Variants in CNTNAP2 observed in about 807,000 individuals in gnomAD.
CNTNAP2 encodes the protein contactin-associated protein-like 2.
Under a neutral mutation model 155.2 loss-of-function variants are expected in CNTNAP2, and 98 were observed. That is an observed-to-expected ratio of 0.63 (90% CI 0.54 to 0.75). The LOEUF (loss-of-function observed/expected upper bound fraction) is 0.75, where lower values mean the gene tolerates loss of function less well. CNTNAP2 is among the 30% of genes least tolerant of loss of function. The pLI is 0.00. For synonymous variants in CNTNAP2, 651 were observed against 631.2 expected (o/e 1.03, Z -0.47); for missense variants, 1,727 against 1,688.1 (o/e 1.02, Z -0.40).
intron 21 of CNTNAP2, among the ~76,000 whole-genome samples, chr7:148,324,357 GTTTTTAATTGCAA>G (rs1203719034): frequency 6.6e-6 from 1 of 152,154 alleles, no homozygotes; most frequent in Non-Finnish European, 1.5e-5. Flanking sequence ...CTTGACCACT[GTTTTTAATTGCAA>G]ATCCCACTGC....
chr7:146,794,516 A>G (rs1464407000), intron 2 of CNTNAP2, among the ~76,000 whole-genome samples: 2 of 152,246 alleles, frequency 1.3e-5, no homozygotes, highest in Non-Finnish European at 2.9e-5. Context: ...CCTAAAGGAT[A>G]TCAGTTGTGA....
chr7:146,609,233 C>T (rs1218222023), intron 1 of CNTNAP2, among the ~76,000 whole-genome samples: 1 of 152,188 alleles, frequency 6.6e-6, no homozygotes, highest in African/African-American at 2.4e-5. Context: ...TTCTGATGAT[C>T]AGGTGGTATT....
chr7:147,994,526 T>C (rs1801768510), intron 15 of CNTNAP2, among the ~76,000 whole-genome samples: 1 of 152,192 alleles, frequency 6.6e-6, no homozygotes, highest in Non-Finnish European at 1.5e-5. Context: ...GATTGAATCA[T>C]GGGGACAGGT....
rs141579635 is a variant in CNTNAP2 at position 147,560,661 on chromosome 7, C to T, written c.1778-1477C>T. Among the ~76,000 whole-genome samples the T allele has an allele frequency of 2.8e-3, 424 of 151,954 alleles. 4 individuals are homozygous for T. In the East Asian group the frequency reaches 0.03, roughly 11 times the overall value. On this transcript the variant is annotated intron_variant, in intron 11 of 23. Transcript: ENST00000361727. ...AACACGGTTTCGAAGGTCTTCTATC[C>T]GTGTTGTTCACAGCTGTATCTGCAA...
At chr7:146,678,869 T>C (rs146890726) in intron 1 of CNTNAP2, among the ~76,000 whole-genome samples, 50 of 152,326 alleles carry the variant, frequency 3.3e-4, no homozygotes, top group Middle Eastern at 6.8e-3. Flanking sequence ...CTAATACTTA[T>C]AATAAATAAT....
At chr7:147,589,127 C>A (rs769714006) in intron 12 of CNTNAP2, among the ~76,000 whole-genome samples, 8 of 152,148 alleles carry the variant, frequency 5.3e-5, no homozygotes, top group Middle Eastern at 3.2e-3. Flanking sequence ...GAATCTTAGA[C>A]ATTTAGTATT....
intron 1 of CNTNAP2, among the ~76,000 whole-genome samples, chr7:146,475,013 G>GCACGCA (rs1554438443): frequency 1.4e-5 from 2 of 144,304 alleles, no homozygotes; most frequent in Admixed American, 6.8e-5. Context: ...GCGCGCGCGC[G>GCACGCA]CACACACACA....
intron 9 of CNTNAP2, among the ~76,000 whole-genome samples, chr7:147,301,681 A>G (rs1794949244): frequency 6.7e-6 from 1 of 148,272 alleles, no homozygotes; most frequent in African/African-American, 2.5e-5. Flanking sequence ...GAGAGCAGCC[A>G]CCTTGTTTAT....
At chr7:146,471,478 C>A (rs1796798197) in intron 1 of CNTNAP2, among the ~76,000 whole-genome samples, 1 of 152,160 alleles carries the variant, frequency 6.6e-6, no homozygotes, top group African/African-American at 2.4e-5. Flanking sequence ...TTAATTGGAC[C>A]CAATAGTCTT....
intron 15 of CNTNAP2, among the ~76,000 whole-genome samples, chr7:148,054,881 CTT>C (rs372468541): frequency 2.4e-4 from 33 of 136,846 alleles, no homozygotes; most frequent in Middle Eastern, 4.0e-3. Flanking sequence ...TAATAGGAAT[CTT>C]TTTTTTTTTT....
intron 1 of CNTNAP2, among the ~76,000 whole-genome samples, chr7:146,207,003 G>T (rs144962943): frequency 1.6e-3 from 246 of 152,030 alleles, no homozygotes; most frequent in African/African-American, 5.7e-3. Context: ...CATTGGTAAT[G>T]ATATCAAGGT....
At chr7:146,353,024 G>A (rs1201296852) in intron 1 of CNTNAP2, among the ~76,000 whole-genome samples, 1 of 151,986 alleles carries the variant, frequency 6.6e-6, no homozygotes, top group Non-Finnish European at 1.5e-5. Context: ...CAAGTGCTGG[G>A]ATTACAGGCC....
At chr7:147,133,103 A>T (rs374488429) in intron 8 of CNTNAP2, among the ~76,000 whole-genome samples, 2 of 152,248 alleles carry the variant, frequency 1.3e-5, no homozygotes, top group East Asian at 3.9e-4. Context: ...CTTTGTAGTG[A>T]TATGACAAAT....
At chr7:146,681,615 A>C (rs1297700374) in intron 1 of CNTNAP2, among the ~76,000 whole-genome samples, 1 of 92,794 alleles carries the variant, frequency 1.1e-5, no homozygotes, top group Admixed American at 1.1e-4. Context: ...GAAAGGGGAG[A>C]GTGGGAGGGT....
At chr7:146,871,528 TAAAA>T in intron 3 of CNTNAP2, among the ~76,000 whole-genome samples, 1 of 149,946 alleles carries the variant, frequency 6.7e-6, no homozygotes, top group East Asian at 1.9e-4. Flanking sequence ...AGGCTCCGTC[TAAAA>T]AAAAATAAAT....
chr7:147,511,112 C>A (rs1799012540), intron 11 of CNTNAP2, among the ~76,000 whole-genome samples: 1 of 151,852 alleles, frequency 6.6e-6, no homozygotes, highest in Non-Finnish European at 1.5e-5. Context: ...AGCATTATTT[C>A]CCACTGTTCT....
At chr7:147,960,217 A>G (rs940020883) in intron 14 of CNTNAP2, among the ~76,000 whole-genome samples, 1 of 152,122 alleles carries the variant, frequency 6.6e-6, no homozygotes, top group Admixed American at 6.6e-5. Flanking sequence ...AGGGAAAAAT[A>G]ATAACTGGTT....
At chr7:146,643,964 T>G (rs531336396) in intron 1 of CNTNAP2, among the ~76,000 whole-genome samples, 1 of 152,302 alleles carries the variant, frequency 6.6e-6, no homozygotes, top group South Asian at 2.1e-4. Context: ...TCTCTGTTGG[T>G]CTGTTATTGG....
chr7:148,397,106 G>A (rs1242495614), intron 22 of CNTNAP2, among the ~76,000 whole-genome samples: 1 of 152,202 alleles, frequency 6.6e-6, no homozygotes, highest in East Asian at 1.9e-4. Flanking sequence ...ACATGTGGTA[G>A]GCAAAGTGGA....
Sources: allele counts gnomAD v4.1 joint callset (sites outside exome capture counted in the v4.1 genomes callset), GRCh38; gene constraint gnomAD v4.1.1; transcripts MANE v1.5; gene names NCBI Gene and HGNC (gene_info 2026-07-23, HGNC 2026-07-21).